HIP1: variants seen among roughly 807,000 people sequenced by gnomAD.
The protein encoded by HIP1 is huntingtin-interacting protein 1.
In HIP1, 65 loss-of-function variants were observed where a neutral mutation model predicts 147.6. That is an observed-to-expected ratio of 0.44 (90% CI 0.36 to 0.54). HIP1 has a LOEUF of 0.54. Ranked by LOEUF, HIP1 falls within the 20% of genes least tolerant of loss-of-function variation. HIP1 has a pLI of 0.00. For synonymous variants in HIP1, 479 were observed against 504.0 expected (o/e 0.95, Z 0.67); for missense variants, 1,061 against 1,299.6 (o/e 0.82, Z 2.82).
chr7:75,546,966 G>A lies in HIP1; in HGVS notation c.2532C>T (p.Leu844=), dbSNP rs781977789. 4 of 1,579,600 alleles carry A rather than the reference G, an allele frequency of 2.5e-6. No individual in the cohort carries two copies. The highest frequency in any genetic ancestry group is 3.4e-6 in the Non-Finnish European group (4 of 1,161,500). Reference sequence around the variant, plus strand: ...TGCCGCTCTCCACAATCTCTCTCTGGAGGTCCTTAGAGGCCACGATGAGCA... The same window carrying A: ...TGCCGCTCTCCACAATCTCTCTCTGAAGGTCCTTAGAGGCCACGATGAGCA... ...IQVLIVASKD[L]QREIVESGRG... Residue 844 remains leucine (L), a synonymous_variant, in exon 25 of 31, where the codon CTC becomes CTT. Coordinates refer to ENST00000336926, the MANE Select transcript of HIP1 (RefSeq NM_005338.7).
chr7:75,664,532 A>C (rs963069210), intron 1 of HIP1, among the ~76,000 whole-genome samples: 2 of 150,844 alleles, frequency 1.3e-5, no homozygotes, highest in Admixed American at 1.3e-4. Flanking sequence ...GTATACATAC[A>C]TATATACACA....
At chr7:75,697,806 C>G (rs529776901) in intron 1 of HIP1, among the ~76,000 whole-genome samples, 4 of 152,142 alleles carry the variant, frequency 2.6e-5, no homozygotes, top group Admixed American at 6.5e-5. Context: ...AGCGAGACTC[C>G]GTCTCAAAAA....
intron 1 of HIP1, among the ~76,000 whole-genome samples, chr7:75,670,107 T>C (rs1393324838): frequency 3.6e-5 from 4 of 112,188 alleles, no homozygotes; most frequent in Admixed American, 9.3e-5. Context: ...GGCCTTAAAA[T>C]TTTTTTATTG....
At chr7:75,612,537 G>T (rs763211932) in intron 1 of HIP1, among the ~76,000 whole-genome samples, 1 of 151,408 alleles carries the variant, frequency 6.6e-6, no homozygotes, top group African/African-American at 2.4e-5. Context: ...GGCTGGGCGC[G>T]GTGGCTCATG....
chr7:75,566,917 G>T (rs1554495604), intron 9 of HIP1, among the ~76,000 whole-genome samples: 1 of 151,170 alleles, frequency 6.6e-6, no homozygotes, highest in Non-Finnish European at 1.5e-5. Flanking sequence ...TTCCAGACCA[G>T]CCCGGCCAAC....
chr7:75,726,617 C>T (rs1801657939), intron 1 of HIP1, among the ~76,000 whole-genome samples: 1 of 151,884 alleles, frequency 6.6e-6, no homozygotes, highest in South Asian at 2.1e-4. Flanking sequence ...CTTGCCAATG[C>T]TTGGCACTGT....
At chr7:75,689,195 TA>T (rs1222323815) in intron 1 of HIP1, among the ~76,000 whole-genome samples, 2 of 151,700 alleles carry the variant, frequency 1.3e-5, no homozygotes, top group Non-Finnish European at 2.9e-5. Flanking sequence ...ATTATAAAAT[TA>T]AAAAAATTTA....
At chr7:75,662,931 G>A (rs1242853982) in intron 1 of HIP1, among the ~76,000 whole-genome samples, 1 of 152,152 alleles carries the variant, frequency 6.6e-6, no homozygotes, top group Non-Finnish European at 1.5e-5. Flanking sequence ...GCTAAGATCC[G>A]AGCTGCTTCC....
chr7:75,556,048 T>G lies in HIP1; in HGVS notation c.1805A>C (p.Gln602Pro). ...SALRKELQDT[Q>P]LKLASTEESM... ...TGCCTCTGTGCTGGCCAGTTTGAGC[T>G]GAGTGTCCTGCAGTTCTTTCCGAAG... is the stretch of plus-strand genomic sequence containing the variant. Residue 602 changes from glutamine to proline, a missense_variant, in exon 18 of 31, where the codon CAG becomes CCG. By Grantham distance (76) the Gln-to-Pro change is moderately conservative. Around this residue, in one of 3 missense-constraint regions of HIP1, gnomAD observed 810 missense variants for 946.8 expected, o/e 0.86. Coordinates refer to ENST00000336926, the MANE Select transcript of HIP1 (RefSeq NM_005338.7). 2.5e-6 allele frequency: 4 copies of G among 1,614,190 alleles called. No homozygotes were observed. Among genetic ancestry groups the G allele is most frequent in the Non-Finnish European group, 3.4e-6 (4 of 1,180,024 alleles).
intron 1 of HIP1, among the ~76,000 whole-genome samples, chr7:75,720,923 A>G (rs1801480107): frequency 6.6e-6 from 1 of 151,942 alleles, no homozygotes; most frequent in African/African-American, 2.4e-5. Flanking sequence ...CTGTAATCCC[A>G]GCTACTAGGG....
At chr7:75,595,283 C>CCTTCCTTTCTTTTTTTTCTCT (rs1554501698) in intron 2 of HIP1, among the ~76,000 whole-genome samples, 1 of 83,402 alleles carries the variant, frequency 1.2e-5, no homozygotes, top group African/African-American at 7.5e-5. Context: ...TTCCTTCCTT[C>CCTTCCTTTCTTTTTTTTCTCT]CTTTCTTTCT....
chr7:75,721,976 G>C (rs1365130773), intron 1 of HIP1, among the ~76,000 whole-genome samples: 1 of 151,846 alleles, frequency 6.6e-6, no homozygotes, highest in East Asian at 1.9e-4. Context: ...TACCTCACTA[G>C]TGTAACTGAC....
At chr7:75,579,772 A>C (rs1252842917) in intron 7 of HIP1, among the ~76,000 whole-genome samples, 1 of 152,208 alleles carries the variant, frequency 6.6e-6, no homozygotes, top group Non-Finnish European at 1.5e-5. Context: ...TCGGGGTCAG[A>C]GAGTCCAAGC....
chr7:75,712,189 A>T (rs1199268265), intron 1 of HIP1, among the ~76,000 whole-genome samples: 3 of 152,058 alleles, frequency 2.0e-5, no homozygotes, highest in Admixed American at 2.0e-4. Context: ...GGGGGAAAAA[A>T]AGTTATTTTC....
intron 1 of HIP1, among the ~76,000 whole-genome samples, chr7:75,684,231 G>T (rs1554517300): frequency 6.6e-6 from 1 of 151,942 alleles, no homozygotes; most frequent in Non-Finnish European, 1.5e-5. Flanking sequence ...TGGATCGCCG[G>T]AGCTTAGGAG....
chr7:75,546,906 C>G, intron 25 of HIP1, 33 bp downstream of exon 25: 1 of 1,472,994 alleles, frequency 6.8e-7, no homozygotes, highest in Non-Finnish European at 9.3e-7. Context: ...CCAATGCCTC[C>G]TCTTCCTGCC....
At chr7:75,593,441 A>G (rs1292939024) in intron 2 of HIP1, among the ~76,000 whole-genome samples, 2 of 151,878 alleles carry the variant, frequency 1.3e-5, no homozygotes, top group Non-Finnish European at 2.9e-5. Flanking sequence ...GATCAGCCTG[A>G]CCAACACGGC....
intron 27 of HIP1, among the ~76,000 whole-genome samples, chr7:75,543,885 C>T (rs887580865): frequency 7.9e-5 from 12 of 152,082 alleles, no homozygotes; most frequent in Admixed American, 5.9e-4. Context: ...CATGAAAGGC[C>T]TCTAAGGCCA....
intron 11 of HIP1, 41 bp from the exon 12 acceptor site, chr7:75,562,211 C>T (rs1795251561): frequency 7.4e-7 from 1 of 1,355,318 alleles, no homozygotes; most frequent in African/African-American, 1.4e-5. Flanking sequence ...GTCAGAGAGC[C>T]AGAGAATTCT....
Sources: allele counts gnomAD v4.1 joint callset (sites outside exome capture counted in the v4.1 genomes callset), GRCh38; gene constraint gnomAD v4.1.1; regional missense constraint gnomAD v4.1.1; transcripts MANE v1.5; gene names NCBI Gene and HGNC (gene_info 2026-07-23, HGNC 2026-07-21).